Variants in SENP2 observed in about 807,000 individuals in gnomAD.
SENP2 encodes the protein SUMO specific peptidase 2, also known as sentrin-specific protease 2.
In SENP2, 16 loss-of-function variants were observed where a neutral mutation model predicts 86.3. The observed-to-expected ratio is 0.19, with a 90% CI of 0.13 to 0.28. SENP2 has a LOEUF of 0.28. Among genes scored for constraint, SENP2 ranks in the 10% least tolerant of loss-of-function variants. The probability of loss-of-function intolerance (pLI) is 1.00; values close to 1 mark genes in which losing one functional copy is unlikely to be tolerated. For synonymous variants in SENP2, 222 were observed against 238.7 expected, an observed-to-expected ratio of 0.93 and a Z score of 0.64; for missense variants, 552 against 703.0, an observed-to-expected ratio of 0.79 and a Z score of 2.43.
rs771612781 is a variant in SENP2 at position 185,606,494 on chromosome 3, A to C, written c.614A>C (p.Glu205Ala). The C allele has an allele frequency of 1.9e-6, 3 of 1,585,228 alleles. No homozygotes were observed. The South Asian group carries it at 3.5e-5, about 19-fold the overall frequency. ...CTGAGGCGTCCCCATTGTACTGTGG[A>C]GGAGGTAAGCCTTTTCAGCTTGATT... ...KGLRRPHCTV[E>A]EGVQKEEREK... The change falls in exon 6 of 17, where the codon GAG (glutamate) becomes GCG (alanine). Residue 205 changes from glutamate (E) to alanine (A), a missense_variant. Transcript: ENST00000296257.
At position 185,586,394 on chromosome 3, in the gene SENP2, C is replaced by T. The variant is rs762740674; in HGVS notation, c.-20C>T. 1.4e-5 allele frequency: 23 copies of T among 1,613,346 alleles called. No homozygotes were observed. The highest frequency in any genetic ancestry group is 1.8e-5 in the Non-Finnish European group (21 of 1,179,810). Reference sequence around the variant, plus strand: ...TTGCGTCTCGGGGTGTGTCGGCCGCCGCTGCTGCTTGGGCCTGGTATGTAC... The same window carrying T: ...TTGCGTCTCGGGGTGTGTCGGCCGCTGCTGCTGCTTGGGCCTGGTATGTAC... On this transcript the variant is annotated 5_prime_UTR_variant, in exon 1 of 17. Transcript: ENST00000296257. This position sits in a 1 kb window ranked among gnomAD's most constrained non-coding sequence, Gnocchi z 4.3.
intron 11 of SENP2, among the ~76,000 whole-genome samples, chr3:185,616,944 A>T (rs1711635155): frequency 6.6e-6 from 1 of 152,190 alleles, no homozygotes; most frequent in African/African-American, 2.4e-5. Flanking sequence ...TCTTCTCTAT[A>T]AAATGATAAT....
chr3:185,606,743 T>C, intron 6 of SENP2: 1 of 530,242 alleles, frequency 1.9e-6, no homozygotes, highest in Non-Finnish European at 3.4e-6. Flanking sequence ...ATTGTCCAGA[T>C]CACATTAGCA....
At chr3:185,624,772 G>A (rs1712061153) in intron 15 of SENP2, among the ~76,000 whole-genome samples, 1 of 151,496 alleles carries the variant, frequency 6.6e-6, no homozygotes, top group Admixed American at 6.6e-5. Context: ...GGAGGCTGAA[G>A]CAGGAGAATC....
At chr3:185,612,704 TCTTA>T (rs776956947) in intron 9 of SENP2, 46 bp downstream of exon 9, 4 of 1,356,392 alleles carry the variant, frequency 2.9e-6, no homozygotes, top group Non-Finnish European at 3.1e-6. Context: ...ATATATATTT[TCTTA>T]CTTTATAAGC....
At chr3:185,613,140 C>T (rs1001074068) in intron 9 of SENP2, among the ~76,000 whole-genome samples, 2 of 152,192 alleles carry the variant, frequency 1.3e-5, no homozygotes, top group East Asian at 1.9e-4. Context: ...AGAGTTGCCA[C>T]GATGTGCCCA....
chr3:185,587,924 AGAGAC>A (rs1156667172), intron 1 of SENP2, among the ~76,000 whole-genome samples: 3 of 148,352 alleles, frequency 2.0e-5, no homozygotes, highest in Non-Finnish European at 4.5e-5. Context: ...TTTTTTTAGT[AGAGAC>A]GGGGTTTCAC....
intron 2 of SENP2, among the ~76,000 whole-genome samples, chr3:185,597,157 T>G (rs900869983): frequency 3.3e-5 from 5 of 152,040 alleles, no homozygotes; most frequent in Non-Finnish European, 7.4e-5. Context: ...CAGCAAAAAT[T>G]TATTTTATAT....
At chr3:185,590,030 TGTTATATGAATA>T in intron 1 of SENP2, 72 bp from the exon 2 acceptor site, 1 of 701,034 alleles carries the variant, frequency 1.4e-6, no homozygotes, top group Non-Finnish European at 2.3e-6. Context: ...AAGGGGGATG[TGTTATATGAATA>T]GTAAGTTTAC....
At chr3:185,623,826 C>CAAAAAAAAAAAAAAAAAA (rs63707460) in intron 14 of SENP2, among the ~76,000 whole-genome samples, 172 bp from the exon 15 acceptor site, 16 of 47,776 alleles carry the variant, frequency 3.3e-4, no homozygotes, top group East Asian at 2.7e-3. Flanking sequence ...GACTCTGTCT[C>CAAAAAAAAAAAAAAAAAA]AAAAAAAAAA....
chr3:185,610,556 C>T (rs1230019386), intron 7 of SENP2, among the ~76,000 whole-genome samples: 1 of 152,188 alleles, frequency 6.6e-6, no homozygotes, highest in Admixed American at 6.5e-5. Flanking sequence ...GTCAGAATGT[C>T]AGTATTTTCT....
At chr3:185,598,171 C>T (rs575552043) in intron 2 of SENP2, among the ~76,000 whole-genome samples, 6 of 152,062 alleles carry the variant, frequency 3.9e-5, no homozygotes, top group South Asian at 2.1e-4. Flanking sequence ...TGATACCATC[C>T]GCAGCTAATT....
chr3:185,625,821 G>A (rs1385122639), intron 15 of SENP2, among the ~76,000 whole-genome samples: 5 of 152,150 alleles, frequency 3.3e-5, no homozygotes, highest in Non-Finnish European at 7.4e-5. Flanking sequence ...ATTGATAAAT[G>A]CTTCTGAAAT....
chr3:185,590,089 A>T lies in SENP2; in HGVS notation c.102-25A>T, dbSNP rs748986839. On this transcript the variant is annotated intron_variant, in intron 1 of 16. Transcript: ENST00000296257. ...AATGTGTGTGTAAATCTATATATAT[A>T]TATTTTTTTCTTTCTCTTTTTCAGC... 6.8e-5 allele frequency: 89 copies of T among 1,313,762 alleles called. 1 individual carries two copies. Among genetic ancestry groups the T allele is most frequent in the South Asian group, 4.1e-4 (28 of 68,176 alleles). The allele number at this position is 1,313,762 out of a possible 1,614,324, so 81.4% of individuals were successfully genotyped here. A position where few individuals can be genotyped will look rare whatever the true frequency, so the allele number is the denominator to read the frequency against.
chr3:185,626,552 C>T (rs1233365587), intron 16 of SENP2, among the ~76,000 whole-genome samples, 159 bp downstream of exon 16: 1 of 152,104 alleles, frequency 6.6e-6, no homozygotes, highest in Non-Finnish European at 1.5e-5. Flanking sequence ...GCGGGTGGAC[C>T]ACCTGAGGTC....
At position 185,630,148 on chromosome 3, in the gene SENP2, G is replaced by C; in HGVS notation, c.*304G>C. On this transcript the variant is annotated 3_prime_UTR_variant, in exon 17 of 17. Coordinates refer to ENST00000296257, the MANE Select transcript of SENP2 (RefSeq NM_021627.3). ...TTCCCTATGAATGTGGGAAATGCAG[G>C]ATTTATTCTGTGAATTGTTTGTTTC... 1 of 276,728 alleles carries C rather than the reference G, an allele frequency of 3.6e-6. No homozygotes were observed. Among genetic ancestry groups the C allele is most frequent in the Non-Finnish European group, 7.0e-6 (1 of 142,308 alleles). 17.1% of individuals were successfully genotyped at this position (276,728 alleles called of 1,614,324 possible). A position where few individuals can be genotyped will look rare whatever the true frequency, so the allele number is the denominator to read the frequency against.
chr3:185,591,727 A>G lies in SENP2; in HGVS notation c.157+1558A>G, dbSNP rs145169246. Among the ~76,000 whole-genome samples the G allele has an allele frequency of 7.3e-3, 1,101 of 149,996 alleles. 15 individuals are homozygous for G. Among genetic ancestry groups the G allele is most frequent in the African/African-American group, 0.025 (1,025 of 40,988 alleles). On this transcript the variant is annotated intron_variant, in intron 2 of 16. Coordinates refer to ENST00000296257, the MANE Select transcript of SENP2 (RefSeq NM_021627.3). Reference sequence around the variant, plus strand: ...CTAGTTCAGATGGCTGAGGGAACCCATCTTTTCTATTTTTTTTTTTCGAGA... The same window carrying G: ...CTAGTTCAGATGGCTGAGGGAACCCGTCTTTTCTATTTTTTTTTTTCGAGA...
intron 2 of SENP2, among the ~76,000 whole-genome samples, chr3:185,595,854 G>T (rs1417758655): frequency 2.0e-5 from 3 of 148,256 alleles, no homozygotes; most frequent in Non-Finnish European, 4.4e-5. Flanking sequence ...AGACTGGAGT[G>T]CAGTGCCGTG....
intron 4 of SENP2, among the ~76,000 whole-genome samples, chr3:185,600,093 A>T (rs1409312645): frequency 6.6e-6 from 1 of 152,186 alleles, no homozygotes; most frequent in African/African-American, 2.4e-5. Context: ...CACTGCGCCC[A>T]GCCCAAAGAT....
Sources: allele counts gnomAD v4.1 joint callset (sites outside exome capture counted in the v4.1 genomes callset), GRCh38; gene constraint gnomAD v4.1.1; non-coding constraint Gnocchi (gnomAD v3.1); transcripts MANE v1.5; gene names NCBI Gene and HGNC (gene_info 2026-07-23, HGNC 2026-07-21).